Variants in PRND observed in about 807,000 individuals in gnomAD.
PRND encodes prion-like protein doppel.
For missense variants in PRND, 227 were observed against 223.3 expected, an observed-to-expected ratio of 1.02 and a Z score of -0.11; for synonymous variants, 94 against 93.2, an observed-to-expected ratio of 1.01 and a Z score of -0.05.
rs1923333006 is a variant in PRND at position 4,728,045 on chromosome 20, C to A, written c.*2963C>A. ...TCAGGTGATCCACCTGCCTCGGCCT[C>A]CCAAAGTGCTGGGATTACAGGTGTG... On this transcript the variant is annotated 3_prime_UTR_variant, in exon 2 of 2. Transcript: ENST00000305817. 1 of 166,206 alleles carries A rather than the reference C, an allele frequency of 6.0e-6. No individual in the cohort carries two copies. Among genetic ancestry groups the A allele is most frequent in the Admixed American group, 6.6e-5 (1 of 15,264 alleles). 10.3% of individuals were successfully genotyped at this position (166,206 alleles called of 1,614,324 possible).
chr20:4,726,974 G>A lies in PRND; in HGVS notation c.*1892G>A, dbSNP rs539464908. On this transcript the variant is annotated 3_prime_UTR_variant, in exon 2 of 2. Coordinates refer to ENST00000305817, the MANE Select transcript of PRND (RefSeq NM_012409.4). ...GCTACACTCGCCTTCTGCTTCCACGGTCCTGTTAATTCTAGATCAGAGAGC... is the reference window on the plus strand; with the variant it reads ...GCTACACTCGCCTTCTGCTTCCACGATCCTGTTAATTCTAGATCAGAGAGC... The A allele has an allele frequency of 6.0e-6, 1 of 166,962 alleles. No homozygotes were observed. Among genetic ancestry groups the A allele is most frequent in the Non-Finnish European group, 1.5e-5 (1 of 68,134 alleles). The allele number at this position is 166,962 out of a possible 1,614,324, so 10.3% of individuals were successfully genotyped here.
At position 4,726,336 on chromosome 20, in the gene PRND, C is replaced by G. The variant is rs1176177703; in HGVS notation, c.*1254C>G. On this transcript the variant is annotated 3_prime_UTR_variant, in exon 2 of 2. Transcript: ENST00000305817. ...TACATCTGTGTTCTATGCAAAGTCT[C>G]TCATTTCTTTCAAGACAGCCTAATG... is the stretch of plus-strand genomic sequence containing the variant. 6.0e-6 allele frequency: 1 copy of G among 166,908 alleles called. No homozygotes were observed. Among genetic ancestry groups the G allele is most frequent in the Non-Finnish European group, 1.5e-5 (1 of 68,090 alleles). The allele number at this position is 166,908 out of a possible 1,614,324, so 10.3% of individuals were successfully genotyped here. A position where few individuals can be genotyped will look rare whatever the true frequency, so the allele number is the denominator to read the frequency against.
Position 4,724,038 on chromosome 20 carries a change from A to G in PRND, c.-11-503A>G, listed in dbSNP as rs1437036704. On this transcript the variant is annotated intron_variant, in intron 1 of 1. Transcript: ENST00000305817. The surrounding 1 kb of genome is among the most constrained non-coding windows in gnomAD (Gnocchi z 4.8). ...TGTGTATATATACATATATGTGTGT[A>G]TATATGTATATATGTGTGTGTATAT... is the stretch of plus-strand genomic sequence containing the variant. Among the ~76,000 whole-genome samples, 1 of 105,584 alleles carries G rather than the reference A, an allele frequency of 9.5e-6. No individual in the cohort carries two copies. The highest frequency in any genetic ancestry group is 4.4e-5 in the African/African-American group (1 of 22,922). 69.3% of individuals were successfully genotyped at this position (105,584 alleles called of 152,430 possible). A position where few individuals can be genotyped will look rare whatever the true frequency, so the allele number is the denominator to read the frequency against.
chr20:4,724,347 C>T lies in PRND; in HGVS notation c.-11-194C>T, dbSNP rs1205519936. 6.6e-6 allele frequency among the ~76,000 whole-genome samples: 1 copy of T among 152,204 alleles called. No homozygotes were observed. Among genetic ancestry groups the T allele is most frequent in the Non-Finnish European group, 1.5e-5 (1 of 68,036 alleles). Reference sequence around the variant, plus strand: ...ACCAGAGCCCTGAGTGAATGTAATCCTAGCAATAGCAAAGGAGCTCGGTGT... The same window carrying T: ...ACCAGAGCCCTGAGTGAATGTAATCTTAGCAATAGCAAAGGAGCTCGGTGT... On this transcript the variant is annotated intron_variant, in intron 1 of 1. Coordinates refer to ENST00000305817, the MANE Select transcript of PRND (RefSeq NM_012409.4). The surrounding 1 kb of genome is among the most constrained non-coding windows in gnomAD (Gnocchi z 4.8).
At chr20:4,723,520 C>T (rs1923163359) in intron 1 of PRND, among the ~76,000 whole-genome samples, 1 of 152,210 alleles carries the variant, frequency 6.6e-6, no homozygotes, top group South Asian at 2.1e-4. Context: ...TCTTTCCCTT[C>T]CTTCCTCCTC....
At position 4,724,560 on chromosome 20, in the gene PRND, G is replaced by C. The variant is rs768711861; in HGVS notation, c.9G>C (p.Lys3Asn). 6.2e-7 allele frequency: 1 copy of C among 1,613,892 alleles called. No homozygotes were observed. Among genetic ancestry groups the C allele is most frequent in the Non-Finnish European group, 8.5e-7 (1 of 1,180,052 alleles). Residue 3 changes from lysine to asparagine, a missense_variant, in exon 2 of 2, where the codon AAG becomes AAC. Transcript: ENST00000305817. The surrounding 1 kb of genome is among the most constrained non-coding windows in gnomAD (Gnocchi z 4.8). ...TGGCAGGTTCTGACGCGATGAGGAA[G>C]CACCTGAGCTGGTGGTGGCTGGCCA... MR[K>N]HLSWWWLATV...
rs773175272 is a variant in PRND at position 4,725,018 on chromosome 20, G to A, written c.467G>A (p.Arg156Gln). ...TGGTTGGAGAGGGGCGCAGGACTTC[G>A]GGTCACCATGCACCAGCCAGTGCTC... ...EFWLERGAGL[R>Q]VTMHQPVLLC... Residue 156 changes from arginine to glutamine, a missense_variant, in exon 2 of 2, where the codon CGG becomes CAG. Transcript: ENST00000305817. 49 of 1,613,350 alleles carry A rather than the reference G, an allele frequency of 3.0e-5. 1 individual carries two copies. In the South Asian group the frequency reaches 3.6e-4, roughly 12 times the overall value.
intron 1 of PRND, among the ~76,000 whole-genome samples, chr20:4,723,294 G>A (rs79247014): frequency 6.6e-6 from 1 of 152,186 alleles, no homozygotes; most frequent in African/African-American, 2.4e-5. Context: ...TTTATAACAT[G>A]GGGATAATAA....
chr20:4,724,668 C>T lies in PRND; in HGVS notation c.117C>T (p.Ala39=), dbSNP rs1320831139. The T allele has an allele frequency of 1.2e-6, 2 of 1,614,048 alleles. No individual in the cohort carries two copies. The highest frequency in any genetic ancestry group is 1.1e-5 in the South Asian group (1 of 91,086). Residue 39 remains alanine, a synonymous_variant, in exon 2 of 2, where the codon GCC becomes GCT. Coordinates refer to ENST00000305817, the MANE Select transcript of PRND (RefSeq NM_012409.4). This position sits in a 1 kb window ranked among gnomAD's most constrained non-coding sequence, Gnocchi z 4.8. ...IKHRIKWNRK[A]LPSTAQITEA... ...ACAGAATCAAGTGGAACCGGAAGGC[C>T]CTGCCCAGCACTGCCCAGATCACTG... is the stretch of plus-strand genomic sequence containing the variant.
At position 4,727,362 on chromosome 20, in the gene PRND, C is replaced by T. The variant is rs536601432; in HGVS notation, c.*2280C>T. The T allele has an allele frequency of 1.8e-5, 3 of 167,138 alleles. No homozygotes were observed. In the Admixed American group the frequency reaches 2.0e-4, roughly 11 times the overall value. 10.4% of individuals were successfully genotyped at this position (167,138 alleles called of 1,614,324 possible). On this transcript the variant is annotated 3_prime_UTR_variant, in exon 2 of 2. Coordinates refer to ENST00000305817, the MANE Select transcript of PRND (RefSeq NM_012409.4). ...TTAATCGAACGCGTGTGTGCCTGAACATTCTTGCTCAAGTTGATGAATCAT... is the reference window on the plus strand; with the variant it reads ...TTAATCGAACGCGTGTGTGCCTGAATATTCTTGCTCAAGTTGATGAATCAT...
Position 4,724,288 on chromosome 20 carries a change from C to T in PRND, c.-11-253C>T, listed in dbSNP as rs1055405550. Among the ~76,000 whole-genome samples, 1 of 152,168 alleles carries T rather than the reference C, an allele frequency of 6.6e-6. No individual in the cohort carries two copies. The highest frequency in any genetic ancestry group is 1.5e-5 in the Non-Finnish European group (1 of 68,036). On this transcript the variant is annotated intron_variant, in intron 1 of 1. Transcript: ENST00000305817. This position sits in a 1 kb window ranked among gnomAD's most constrained non-coding sequence, Gnocchi z 4.8. ...TGCGTATTCAAAGCCACTATAATTG[C>T]CCTTTGCCATTCTTACCTGTCTCGG...
chr20:4,723,749 G>T (rs1923169667), intron 1 of PRND, among the ~76,000 whole-genome samples: 1 of 152,180 alleles, frequency 6.6e-6, no homozygotes, highest in South Asian at 2.1e-4. Flanking sequence ...GGGCAACATA[G>T]TGAGACCCCG....
Position 4,726,625 on chromosome 20 carries a change from C to A in PRND, c.*1543C>A, listed in dbSNP as rs1923277616. On this transcript the variant is annotated 3_prime_UTR_variant, in exon 2 of 2. Transcript: ENST00000305817. ...CGCTCCAGGCCACTCTCAGAGACTC[C>A]CAGGAGTTGTTGAACTATATTTGGA... 1 of 167,046 alleles carries A rather than the reference C, an allele frequency of 6.0e-6. No individual in the cohort carries two copies. Among genetic ancestry groups the A allele is most frequent in the Admixed American group, 6.5e-5 (1 of 15,272 alleles). The allele number at this position is 167,046 out of a possible 1,614,324, so 10.3% of individuals were successfully genotyped here.
Position 4,725,191 on chromosome 20 carries a change from C to T in PRND, c.*109C>T, listed in dbSNP as rs1923228085. On this transcript the variant is annotated 3_prime_UTR_variant, in exon 2 of 2. Coordinates refer to ENST00000305817, the MANE Select transcript of PRND (RefSeq NM_012409.4). ...GTGTTCTGAAGGTGCCCAGGAGCGG[C>T]GATGCACTCGCACTGCAAATGCCGC... The T allele has an allele frequency of 2.2e-6, 3 of 1,384,030 alleles. No homozygotes were observed. Among genetic ancestry groups the T allele is most frequent in the East Asian group, 2.5e-5 (1 of 39,910 alleles). 85.7% of individuals were successfully genotyped at this position (1,384,030 alleles called of 1,614,324 possible).
chr20:4,728,309 A>G lies in PRND; in HGVS notation c.*3227A>G, dbSNP rs1480379592. On this transcript the variant is annotated 3_prime_UTR_variant, in exon 2 of 2. Transcript: ENST00000305817. ...CATGAAACTCTTTGGAACAACAGCT[A>G]TCTAGATAGCTGACTCATTCTTTTG... is the stretch of plus-strand genomic sequence containing the variant. The G allele has an allele frequency of 1.2e-5, 2 of 167,232 alleles. No individual in the cohort carries two copies. Among genetic ancestry groups the G allele is most frequent in the Non-Finnish European group, 1.5e-5 (1 of 68,106 alleles). 10.4% of individuals were successfully genotyped at this position (167,232 alleles called of 1,614,324 possible). A position where few individuals can be genotyped will look rare whatever the true frequency, so the allele number is the denominator to read the frequency against.
rs1389761011 is a variant in PRND at position 4,726,464 on chromosome 20, A to G, written c.*1382A>G. The G allele has an allele frequency of 1.2e-5, 2 of 167,080 alleles. No homozygotes were observed. Among genetic ancestry groups the G allele is most frequent in the African/African-American group, 4.8e-5 (2 of 41,456 alleles). The allele number at this position is 167,080 out of a possible 1,614,324, so 10.3% of individuals were successfully genotyped here. On this transcript the variant is annotated 3_prime_UTR_variant, in exon 2 of 2. Transcript: ENST00000305817. ...TGTCTTTAGGGAGACCCAATAAAGA[A>G]TGCAATCCATGCCATAAGCAGGAGT...
rs1183453834 is a variant in PRND, at chr20:4,724,830, C to T, written c.279C>T (p.Gly93=). ...TCCCCGATGGCATCCACTACAACGG[C>T]TGCTCTGAGGCTAATGTGACCAAGG... ...WQFPDGIHYN[G]CSEANVTKEA... is the part of the protein sequence containing the mutation. Residue 93 remains glycine (G), a synonymous_variant, in exon 2 of 2, where the codon GGC becomes GGT. Coordinates refer to ENST00000305817, the MANE Select transcript of PRND (RefSeq NM_012409.4). The surrounding 1 kb of genome is among the most constrained non-coding windows in gnomAD (Gnocchi z 4.8). 1 of 1,614,104 alleles carries T rather than the reference C, an allele frequency of 6.2e-7. No homozygotes were observed. The highest frequency in any genetic ancestry group is 1.3e-5 in the African/African-American group (1 of 74,932).
At chr20:4,723,643 A>C (rs961606336) in intron 1 of PRND, among the ~76,000 whole-genome samples, 2 of 152,184 alleles carry the variant, frequency 1.3e-5, no homozygotes, top group African/African-American at 4.8e-5. Flanking sequence ...AAGAACAAAG[A>C]GGGGAGATTG....
chr20:4,725,196 C>A lies in PRND; in HGVS notation c.*114C>A. 7.5e-7 allele frequency: 1 copy of A among 1,341,558 alleles called. No individual in the cohort carries two copies. Among genetic ancestry groups the A allele is most frequent in the Non-Finnish European group, 1.0e-6 (1 of 970,968 alleles). The allele number at this position is 1,341,558 out of a possible 1,614,324, so 83.1% of individuals were successfully genotyped here. On this transcript the variant is annotated 3_prime_UTR_variant, in exon 2 of 2. Transcript: ENST00000305817. ...CTGAAGGTGCCCAGGAGCGGCGATG[C>A]ACTCGCACTGCAAATGCCGCTCTCA...
Sources: allele counts gnomAD v4.1 joint callset (sites outside exome capture counted in the v4.1 genomes callset), GRCh38; gene constraint gnomAD v4.1.1; non-coding constraint Gnocchi (gnomAD v3.1); transcripts MANE v1.5; gene names NCBI Gene and HGNC (gene_info 2026-07-23, HGNC 2026-07-21).